The following INO80 variants were observed in gnomAD, a reference collection of about 807,000 sequenced individuals.
The protein encoded by INO80 is chromatin-remodeling ATPase INO80.
A neutral mutation model predicts 203.4 loss-of-function variants in INO80; 20 were observed. The observed-to-expected ratio is 0.10, with a 90% CI of 0.07 to 0.14. The LOEUF (loss-of-function observed/expected upper bound fraction) is 0.14, where lower values mean the gene tolerates loss of function less well. Ranked by LOEUF, INO80 falls within the 10% of genes least tolerant of loss-of-function variation. INO80 has a pLI of 1.00. For synonymous variants in INO80, 726 were observed against 685.2 expected (o/e 1.06, Z -0.93); for missense variants, 1,419 against 1,914.4 (o/e 0.74, Z 4.83).
intron 25 of INO80, among the ~76,000 whole-genome samples, chr15:41,022,727 G>T (rs1373460766): frequency 3.9e-5 from 6 of 152,148 alleles, no homozygotes; most frequent in Non-Finnish European, 8.8e-5. Context: ...ACTGGGCCTG[G>T]AGTTCCAAAA....
Position 41,073,430 on chromosome 15 carries a change from G to C in INO80, c.1393C>G (p.Arg465Gly). Residue 465 changes from arginine to glycine, a missense_variant and splice_region_variant, in exon 11 of 36, where the codon CGG becomes GGG. Transcript: ENST00000648947. ...AENAYHIHQARTRSFDEDAKE... is the reference protein window; with the variant it reads ...AENAYHIHQAGTRSFDEDAKE... Reference sequence around the variant, plus strand: ...AACCTTTCTATCTGAAGACTCACCCGAGCTTGGTGAATATGGTAAGCATTT... The same window carrying C: ...AACCTTTCTATCTGAAGACTCACCCCAGCTTGGTGAATATGGTAAGCATTT... 6.2e-7 allele frequency: 1 copy of C among 1,613,532 alleles called. No homozygotes were observed. Among genetic ancestry groups the C allele is most frequent in the Non-Finnish European group, 8.5e-7 (1 of 1,179,486 alleles).
chr15:40,983,661 TA>T, intron 34 of INO80, 100 bp downstream of exon 34: 1 of 1,024,470 alleles, frequency 9.8e-7, no homozygotes, highest in Non-Finnish European at 1.4e-6. Flanking sequence ...ATTGAAAGAA[TA>T]AAAATACCAT....
At chr15:41,022,557 C>T (rs968291537) in intron 25 of INO80, among the ~76,000 whole-genome samples, 15 of 152,090 alleles carry the variant, frequency 9.9e-5, no homozygotes, top group African/African-American at 3.4e-4. Flanking sequence ...AACAGCTGAC[C>T]ATGGGCTGTA....
intron 4 of INO80, among the ~76,000 whole-genome samples, chr15:41,094,521 G>A (rs1010473581): frequency 2.0e-5 from 3 of 152,142 alleles, no homozygotes; most frequent in Non-Finnish European, 4.4e-5. Flanking sequence ...TAGAATGTAA[G>A]CACCACTGGG....
Position 41,003,329 on chromosome 15 carries a change from C to CTTTTTTT in INO80, c.3497+2263_3497+2264insAAAAAAA, listed in dbSNP as rs771356698. 9.3e-3 allele frequency among the ~76,000 whole-genome samples: 998 copies of CTTTTTTT among 107,476 alleles called. 64 individuals carry two copies. Among genetic ancestry groups the CTTTTTTT allele is most frequent in the Non-Finnish European group, 0.012 (631 of 53,302 alleles). 70.5% of individuals were successfully genotyped at this position (107,476 alleles called of 152,430 possible). A position where few individuals can be genotyped will look rare whatever the true frequency, so the allele number is the denominator to read the frequency against. ...TGGGATTGTGGGTGATTTTTCTTTT[C>CTTTTTTT]TTTTCTTTTTTTTTTTTTTGAGATG... On this transcript the variant is annotated intron_variant, in intron 28 of 35. Transcript: ENST00000648947.
At chr15:41,055,420 A>AG in intron 17 of INO80, 56 bp from the exon 18 acceptor site, 2 of 1,163,458 alleles carry the variant, frequency 1.7e-6, no homozygotes, top group Non-Finnish European at 2.5e-6. Context: ...ACAGCGTGTA[A>AG]GGATGTATTA....
intron 19 of INO80, among the ~76,000 whole-genome samples, chr15:41,052,597 A>G (rs2044895094): frequency 6.7e-6 from 1 of 150,270 alleles, no homozygotes; most frequent in Non-Finnish European, 1.5e-5. Context: ...TGCTTGAGCC[A>G]AGGAGGTCAA....
chr15:41,066,711 T>C (rs1566935805), intron 14 of INO80, among the ~76,000 whole-genome samples: 1 of 151,420 alleles, frequency 6.6e-6, no homozygotes, highest in African/African-American at 2.4e-5. Flanking sequence ...ATGCCGGTAG[T>C]CCTAGCTACT....
intron 28 of INO80, 80 bp downstream of exon 28, chr15:41,005,513 T>TAAA: frequency 2.2e-4 from 129 of 573,498 alleles, no homozygotes; most frequent in South Asian, 5.3e-4. Flanking sequence ...TCCTGGCATT[T>TAAA]AAAAAAAAAA....
At chr15:41,078,277 T>C (rs763526866) in intron 9 of INO80, among the ~76,000 whole-genome samples, 3 of 152,114 alleles carry the variant, frequency 2.0e-5, no homozygotes, top group African/African-American at 4.8e-5. Flanking sequence ...ACAGAAAGGA[T>C]ATGTCAAAAT....
At chr15:41,036,760 G>A (rs1367990125) in intron 24 of INO80, among the ~76,000 whole-genome samples, 1 of 152,130 alleles carries the variant, frequency 6.6e-6, no homozygotes, top group Non-Finnish European at 1.5e-5. Flanking sequence ...ACAAAGGGAA[G>A]ATGAATTATA....
intron 1 of INO80, among the ~76,000 whole-genome samples, chr15:41,112,441 T>C (rs1420891509): frequency 2.6e-5 from 4 of 152,176 alleles, no homozygotes; most frequent in Non-Finnish European, 4.4e-5. Flanking sequence ...TCATTCTCTA[T>C]ATGCTATAGC....
rs1166259231 is a variant in INO80, at chr15:41,085,511, T to G, written c.731A>C (p.His244Pro). The change falls in exon 7 of 36, where the codon CAT (histidine) becomes CCT (proline). Residue 244 changes from histidine (H) to proline (P), a missense_variant. Physicochemically the swap from His to Pro is moderately conservative, Grantham distance 77 (BLOSUM62 -2). This residue lies in a region of INO80 where 323 missense variants were observed against 325.4 expected (regional missense o/e 0.99). Transcript: ENST00000648947. The part of the protein sequence containing the change: ...ELSSEESPRR[H>P]HHQTKVFAKF... ...GGCAAAGACTTTGGTCTGGTGGTGATGGCGACGAGGGGATTCTTCAGAGGA... is the reference window on the plus strand; with the variant it reads ...GGCAAAGACTTTGGTCTGGTGGTGAGGGCGACGAGGGGATTCTTCAGAGGA... The G allele has an allele frequency of 1.9e-6, 3 of 1,614,212 alleles. No individual in the cohort carries two copies. Among genetic ancestry groups the G allele is most frequent in the Non-Finnish European group, 2.5e-6 (3 of 1,180,044 alleles).
At chr15:41,066,356 TA>T (rs2045214382) in intron 14 of INO80, among the ~76,000 whole-genome samples, 1 of 152,048 alleles carries the variant, frequency 6.6e-6, no homozygotes, top group Non-Finnish European at 1.5e-5. Flanking sequence ...AGACAAGGTC[TA>T]CGTTGGCAAG....
At position 41,055,414 on chromosome 15, in the gene INO80, C is replaced by A; in HGVS notation, c.2071-50G>T. On this transcript the variant is annotated intron_variant, in intron 17 of 35. Coordinates refer to ENST00000648947, the MANE Select transcript of INO80 (RefSeq NM_017553.3). ...TAGCTATAGAGCAATAAAATGACAG[C>A]GTGTAAGGATGTATTAGATAGAGAA... 1.6e-6 allele frequency: 2 copies of A among 1,247,694 alleles called. 1 individual carries two copies. Among genetic ancestry groups the A allele is most frequent in the Admixed American group, 3.6e-5 (2 of 55,966 alleles). 77.3% of individuals were successfully genotyped at this position (1,247,694 alleles called of 1,614,324 possible).
chr15:41,050,866 G>A (rs1407516718), intron 19 of INO80, among the ~76,000 whole-genome samples: 4 of 152,128 alleles, frequency 2.6e-5, no homozygotes, highest in Non-Finnish European at 1.5e-5. Context: ...GGACGCAGTG[G>A]CTCACGCCTG....
At chr15:40,988,653 G>A (rs917446353) in intron 29 of INO80, among the ~76,000 whole-genome samples, 1 of 152,152 alleles carries the variant, frequency 6.6e-6, no homozygotes, top group Non-Finnish European at 1.5e-5. Flanking sequence ...GCTGAGGTAG[G>A]TAGATCACCT....
At chr15:41,075,701 G>T (rs1052643130) in intron 9 of INO80, among the ~76,000 whole-genome samples, 65 of 152,154 alleles carry the variant, frequency 4.3e-4, no homozygotes, top group African/African-American at 1.4e-3. Context: ...TGATCTGCCC[G>T]TCTCAGCCTC....
intron 6 of INO80, 134 bp from the exon 7 acceptor site, chr15:41,085,717 G>C (rs2045553058): frequency 3.1e-6 from 2 of 648,676 alleles, no homozygotes; most frequent in South Asian, 3.9e-5. Flanking sequence ...TATCTACTCA[G>C]ACCCATGAAT....
Sources: allele counts gnomAD v4.1 joint callset (sites outside exome capture counted in the v4.1 genomes callset), GRCh38; gene constraint gnomAD v4.1.1; regional missense constraint gnomAD v4.1.1; transcripts MANE v1.5; gene names NCBI Gene and HGNC (gene_info 2026-07-23, HGNC 2026-07-21).